Variants in RTN4 observed in about 807,000 individuals in gnomAD.
RTN4 encodes reticulon-4.
A neutral mutation model predicts 90.4 loss-of-function variants in RTN4; 32 were observed. That is an observed-to-expected ratio of 0.35 (90% CI 0.27 to 0.48). The LOEUF (loss-of-function observed/expected upper bound fraction) is 0.48. Ranked by LOEUF, RTN4 falls within the 20% of genes least tolerant of loss-of-function variation. The probability of loss-of-function intolerance (pLI) is 0.99; values close to 1 mark genes in which losing one functional copy is unlikely to be tolerated. For synonymous variants in RTN4, 629 were observed against 552.5 expected (o/e 1.14, Z -1.94); for missense variants, 1,706 against 1,430.2 (o/e 1.19, Z -3.11).
At chr2:54,973,913 G>A (rs202247359) in intron 6 of RTN4, 46 bp from the exon 7 acceptor site, 6 of 1,538,378 alleles carry the variant, frequency 3.9e-6, no homozygotes, top group Non-Finnish European at 5.4e-6. Context: ...GGAATGATTT[G>A]GGAGGAATAA....
At chr2:54,991,966 A>G (rs1679045409) in intron 3 of RTN4, among the ~76,000 whole-genome samples, 1 of 152,184 alleles carries the variant, frequency 6.6e-6, no homozygotes, top group Non-Finnish European at 1.5e-5. Context: ...GCTGATCTAC[A>G]TTCTCCAATC....
chr2:55,134,010 A>C, the RTN4 span, among the ~76,000 whole-genome samples: 1 of 152,166 alleles, frequency 6.6e-6, no homozygotes, highest in Non-Finnish European at 1.5e-5. Context: ...GTGGATTTTC[A>C]TGAGCTTTCT....
chr2:54,999,566 A>T (rs1382061560), intron 3 of RTN4, among the ~76,000 whole-genome samples: 1 of 152,176 alleles, frequency 6.6e-6, no homozygotes, highest in Non-Finnish European at 1.5e-5. Flanking sequence ...AGCAAATATT[A>T]AGTTCTCTTT....
intron 1 of RTN4, among the ~76,000 whole-genome samples, chr2:55,106,851 G>C (rs961405148): frequency 1.3e-5 from 2 of 152,108 alleles, no homozygotes; most frequent in Non-Finnish European, 2.9e-5. Context: ...ATTTATTTTT[G>C]TAAGCCTAAA....
chr2:55,125,758 T>G, the RTN4 span, among the ~76,000 whole-genome samples: 1 of 151,984 alleles, frequency 6.6e-6, no homozygotes, highest in Non-Finnish European at 1.5e-5. Context: ...AGAGCAAGAC[T>G]CTGTCTCAAA....
At chr2:55,017,017 A>G (rs1681092299) in intron 3 of RTN4, among the ~76,000 whole-genome samples, 1 of 152,190 alleles carries the variant, frequency 6.6e-6, no homozygotes. Context: ...GCACTAAATA[A>G]ATCCTCACTA....
At chr2:55,001,329 GAACT>G (rs1434689407) in intron 3 of RTN4, among the ~76,000 whole-genome samples, 1 of 152,092 alleles carries the variant, frequency 6.6e-6, no homozygotes, top group Non-Finnish European at 1.5e-5. Flanking sequence ...CACATAACAT[GAACT>G]AAAAGATGGT....
At chr2:55,107,246 CAT>C (rs925030353) in intron 1 of RTN4, among the ~76,000 whole-genome samples, 12 of 150,922 alleles carry the variant, frequency 8.0e-5, no homozygotes, top group African/African-American at 1.9e-4. Context: ...AATAATCAAA[CAT>C]GTGCTTATTT....
chr2:55,077,033 C>T (rs1194571618), intron 2 of RTN4, among the ~76,000 whole-genome samples: 5 of 141,862 alleles, frequency 3.5e-5, no homozygotes, highest in East Asian at 2.1e-4. Flanking sequence ...TTTTTTGAGA[C>T]GGAGTTTGTC....
At chr2:54,982,440 G>T (rs1321709559) in intron 5 of RTN4, 75 bp downstream of exon 5, 4 of 1,293,060 alleles carry the variant, frequency 3.1e-6, no homozygotes, top group Admixed American at 4.7e-5. Flanking sequence ...GAATATAGAA[G>T]AACAGAATTT....
upstream of RTN4, among the ~76,000 whole-genome samples, chr2:55,113,105 G>T (rs1668067162): frequency 6.6e-6 from 1 of 152,190 alleles, no homozygotes; most frequent in Non-Finnish European, 1.5e-5. Context: ...GTGAGAAGGA[G>T]GAAGACCGTG....
chr2:55,071,103 T>G (rs1472982776), intron 2 of RTN4, among the ~76,000 whole-genome samples: 3 of 150,916 alleles, frequency 2.0e-5, no homozygotes, highest in African/African-American at 7.3e-5. Context: ...TTTTTTTTAA[T>G]GGAACTTTGA....
At chr2:55,084,303 CTTTTT>C (rs145530803) in intron 1 of RTN4, among the ~76,000 whole-genome samples, 1 of 141,186 alleles carries the variant, frequency 7.1e-6, no homozygotes, top group Non-Finnish European at 1.5e-5. Context: ...TCCCCCCTGC[CTTTTT>C]TTTTTTTTTT....
rs201780227 is a variant in RTN4 at position 55,028,169 on chromosome 2, G to C, written c.608C>G (p.Ser203Cys). 44 of 1,612,650 alleles carry C rather than the reference G, an allele frequency of 2.7e-5. No individual in the cohort carries two copies. The highest frequency in any genetic ancestry group is 1.5e-4 in the Admixed American group (9 of 59,726). ...GGCTGGCAGAAAGAACTTGCCTGCAGAGGAGCGTATCACAGGCTCAGATGC... is the reference window on the plus strand; with the variant it reads ...GGCTGGCAGAAAGAACTTGCCTGCACAGGAGCGTATCACAGGCTCAGATGC... ...PAASEPVIRS[S>C]AENMDLKEQP... Residue 203 changes from serine to cysteine, a missense_variant, in exon 2 of 9, where the codon TCT becomes TGT. By Grantham distance (112) the Ser-to-Cys change is moderately radical. Coordinates refer to ENST00000337526, the MANE Select transcript of RTN4 (RefSeq NM_020532.5).
At chr2:55,039,370 G>C (rs1049328727) in intron 1 of RTN4, among the ~76,000 whole-genome samples, 1 of 152,176 alleles carries the variant, frequency 6.6e-6, no homozygotes, top group African/African-American at 2.4e-5. Context: ...AGAACTCATC[G>C]ATAGATTAAA....
At chr2:55,094,033 G>T (rs1668988967) in intron 1 of RTN4, among the ~76,000 whole-genome samples, 1 of 152,166 alleles carries the variant, frequency 6.6e-6, no homozygotes, top group Non-Finnish European at 1.5e-5. Flanking sequence ...AGCGGATGGA[G>T]CCATAATGGT....
rs1314809652 is a variant in RTN4, at chr2:55,049,749, T to C, written c.552A>G (p.Ser184=). The change falls in exon 1 of 9, where the codon TCA becomes TCG. Residue 184 remains serine, a synonymous_variant. Transcript: ENST00000337526. The part of the protein sequence containing the change: ...AAPKRRGSSG[S]VDETLFALPA... ...GCGAGAGGTCGCGGCACTCACCCAC[T>C]GAGCCCGAGGAGCCCCTGCGCTTGG... is the stretch of plus-strand genomic sequence containing the variant. The C allele has an allele frequency of 1.1e-5, 15 of 1,356,606 alleles. No homozygotes were observed. The highest frequency in any genetic ancestry group is 1.5e-5 in the African/African-American group (1 of 65,336). The allele number at this position is 1,356,606 out of a possible 1,614,324, so 84.0% of individuals were successfully genotyped here.
Position 55,072,962 on chromosome 2 carries a change from C to T in RTN4, c.-63+7527G>A, listed in dbSNP as rs140945287. On this transcript the variant is annotated intron_variant, in intron 2 of 3. Coordinates refer to the RTN4 transcript ENST00000427710. Reference sequence around the variant, plus strand: ...CTGAAAATGAGCTTCTTCAGTTGCTCGGCTCAGTTGCTCATTCTTTCATCT... The same window carrying T: ...CTGAAAATGAGCTTCTTCAGTTGCTTGGCTCAGTTGCTCATTCTTTCATCT... Among the ~76,000 whole-genome samples, 140 of 152,282 alleles carry T rather than the reference C, an allele frequency of 9.2e-4. 1 individual carries two copies. The highest frequency in any genetic ancestry group is 3.2e-3 in the African/African-American group (131 of 41,552).
chr2:55,035,586 T>C (rs910695974), intron 1 of RTN4, among the ~76,000 whole-genome samples: 6 of 147,226 alleles, frequency 4.1e-5, no homozygotes, highest in African/African-American at 7.5e-5. Context: ...TAAAAGAAAA[T>C]AAGTAGTAAA....
Sources: allele counts gnomAD v4.1 joint callset (sites outside exome capture counted in the v4.1 genomes callset), GRCh38; gene constraint gnomAD v4.1.1; transcripts MANE v1.5; gene names NCBI Gene and HGNC (gene_info 2026-07-23, HGNC 2026-07-21).